Variants in ELAVL2 observed in about 807,000 individuals in gnomAD.
ELAVL2 encodes the protein ELAV like RNA binding protein 2.
ELAVL2 carries 4 observed loss-of-function variants against 34.6 expected under a neutral mutation model. The ratio of observed to expected loss-of-function variants is 0.12; its 90% confidence interval spans 0.06 to 0.26. ELAVL2 has a LOEUF of 0.26. Ranked by LOEUF, ELAVL2 falls within the 10% of genes least tolerant of loss-of-function variation. ELAVL2 has a pLI of 1.00. For synonymous variants in ELAVL2, 193 were observed against 154.8 expected (o/e 1.25, Z -1.83); for missense variants, 432 against 442.8 (o/e 0.98, Z 0.22).
intron 2 of ELAVL2, among the ~76,000 whole-genome samples, chr9:23,743,499 A>G (rs1201690839): frequency 2.0e-5 from 3 of 152,186 alleles, no homozygotes; most frequent in Admixed American, 6.6e-5. Flanking sequence ...ATGGTATAGT[A>G]AACGCATTAT....
the ELAVL2 span, among the ~76,000 whole-genome samples, chr9:23,840,106 G>A: frequency 1.3e-5 from 2 of 152,080 alleles, no homozygotes; most frequent in Non-Finnish European, 2.9e-5. Context: ...ATGACTTTGG[G>A]CAAGTTGCCC....
chr9:23,823,541 G>C (rs2065083844), intron 1 of ELAVL2, among the ~76,000 whole-genome samples: 1 of 152,198 alleles, frequency 6.6e-6, no homozygotes, highest in Admixed American at 6.5e-5. Flanking sequence ...AGTGCCTGCT[G>C]TAAGACACAT....
At chr9:23,693,331 C>T in intron 6 of ELAVL2, 117 bp downstream of exon 6, 1 of 1,274,126 alleles carries the variant, frequency 7.8e-7, no homozygotes, top group Non-Finnish European at 1.1e-6. Context: ...CATTAGGTTG[C>T]ACATGCAAAA....
chr9:23,813,600 G>T (rs1384961661), intron 1 of ELAVL2, among the ~76,000 whole-genome samples: 1 of 152,068 alleles, frequency 6.6e-6, no homozygotes, highest in Non-Finnish European at 1.5e-5. Flanking sequence ...CAGGCAACTG[G>T]CAGGGAGAAA....
At chr9:23,798,395 T>C (rs972489751) in intron 1 of ELAVL2, among the ~76,000 whole-genome samples, 1 of 152,120 alleles carries the variant, frequency 6.6e-6, no homozygotes, top group Non-Finnish European at 1.5e-5. Context: ...TTTGGGCCTG[T>C]AACTTAAATC....
chr9:23,753,067 T>A (rs1269321822), intron 2 of ELAVL2, among the ~76,000 whole-genome samples: 5 of 152,162 alleles, frequency 3.3e-5, no homozygotes, highest in Admixed American at 3.3e-4. Flanking sequence ...ATTGACAATC[T>A]AAAACTTTAA....
intron 1 of ELAVL2, among the ~76,000 whole-genome samples, chr9:23,818,054 A>G (rs2138403437): frequency 6.6e-6 from 1 of 152,326 alleles, no homozygotes. Flanking sequence ...CCAAATTAGA[A>G]CATACAAAAG....
the ELAVL2 span, among the ~76,000 whole-genome samples, chr9:23,840,275 G>C: frequency 6.6e-6 from 1 of 152,198 alleles, no homozygotes; most frequent in Middle Eastern, 3.2e-3. Context: ...GGAAAGCCCA[G>C]TGATTCTCAC....
intron 2 of ELAVL2, among the ~76,000 whole-genome samples, chr9:23,757,418 T>TG (rs1180033462): frequency 1.3e-5 from 2 of 152,076 alleles, no homozygotes; most frequent in African/African-American, 4.8e-5. Context: ...AATAGCTCTG[T>TG]GGCCTTGAAC....
At chr9:23,803,024 A>G (rs2061758278) in intron 1 of ELAVL2, among the ~76,000 whole-genome samples, 1 of 152,196 alleles carries the variant, frequency 6.6e-6, no homozygotes, top group Non-Finnish European at 1.5e-5. Flanking sequence ...CTGATCAAGA[A>G]CTTTGAGAAT....
At chr9:23,698,540 C>G (rs1215099891) in intron 5 of ELAVL2, among the ~76,000 whole-genome samples, 1 of 152,100 alleles carries the variant, frequency 6.6e-6, no homozygotes, top group Non-Finnish European at 1.5e-5. Flanking sequence ...TCTCAACTCC[C>G]AAGGTACTAT....
intron 2 of ELAVL2, among the ~76,000 whole-genome samples, chr9:23,759,032 G>C (rs1264323807): frequency 2.0e-5 from 3 of 151,870 alleles, no homozygotes; most frequent in Non-Finnish European, 2.9e-5. Flanking sequence ...ATTAAAAACA[G>C]AACTACCGTA....
In ELAVL2 at chr9:23,780,270, G is replaced by C. The variant is rs532297253; in HGVS notation, c.-15-18021C>G. ...TCTCATGCATGAGATTCAAAAATAA[G>C]AAAGCAGTCTAACAACAGAGAATTT... On this transcript the variant is annotated intron_variant, in intron 1 of 6. Transcript: ENST00000397312. 1.5e-4 allele frequency among the ~76,000 whole-genome samples: 23 copies of C among 152,072 alleles called. No individual in the cohort carries two copies. The South Asian group carries it at 3.3e-3, about 22-fold the overall frequency.
intron 1 of ELAVL2, among the ~76,000 whole-genome samples, chr9:23,799,546 C>G (rs2061347422): frequency 6.6e-6 from 1 of 152,228 alleles, no homozygotes; most frequent in South Asian, 2.1e-4. Context: ...CTGGGTCTCT[C>G]ACATCTAATT....
intron 1 of ELAVL2, among the ~76,000 whole-genome samples, chr9:23,810,073 C>G (rs2062775894): frequency 6.6e-6 from 1 of 152,034 alleles, no homozygotes. Context: ...ACAGCCCTTA[C>G]AGATTATCTA....
rs769022384 is a variant in ELAVL2 at position 23,692,567 on chromosome 9, T to G, written c.1070A>C (p.His357Pro). The G allele has an allele frequency of 3.1e-6, 5 of 1,612,366 alleles. No homozygotes were observed. The highest frequency in any genetic ancestry group is 2.2e-5 in the East Asian group (1 of 44,826). The change falls in exon 7 of 7, where the codon CAC (histidine) becomes CCC (proline). Residue 357 changes from histidine (H) to proline (P), a missense_variant. By Grantham distance (77) the His-to-Pro change is moderately conservative. Transcript: ENST00000397312. ...LQVSFKTNKT[H>P]KA ...GAGGACAAGAGCTCATTAGGCTTTG[T>G]GCGTTTTGTTTGTCTTAAAGGAGAC...
chr9:23,690,147 T>G lies in ELAVL2; in HGVS notation c.*2410A>C, dbSNP rs2032688732. ...TATTGATGTACTGAACATGAAAAAGTACAAAGAATCCAAACACAAAAGAAA... is the reference window on the plus strand; with the variant it reads ...TATTGATGTACTGAACATGAAAAAGGACAAAGAATCCAAACACAAAAGAAA... On this transcript the variant is annotated 3_prime_UTR_variant, in exon 7 of 7. Transcript: ENST00000397312. The G allele has an allele frequency of 6.6e-6, 1 of 152,564 alleles. No individual in the cohort carries two copies. Among genetic ancestry groups the G allele is most frequent in the Non-Finnish European group, 1.5e-5 (1 of 68,030 alleles). The allele number at this position is 152,564 out of a possible 1,614,324, so 9.5% of individuals were successfully genotyped here.
intron 2 of ELAVL2, among the ~76,000 whole-genome samples, chr9:23,755,188 C>T (rs573428785): frequency 6.6e-6 from 1 of 152,188 alleles, no homozygotes; most frequent in East Asian, 1.9e-4. Context: ...AATTAATTTC[C>T]AAGTCCCCAG....
In ELAVL2 at chr9:23,704,985, C is replaced by G. The variant is rs372183542; in HGVS notation, c.420G>C (p.Glu140Asp). The stretch of plus-strand genomic sequence containing the variant: ...CATATTGTGAAAAAAGCTGTTCCAA[C>G]TCCTTCTGGGTCATTGTTTTTGGAA... ...SGLPKTMTQK[E>D]LEQLFSQYGR... Residue 140 changes from glutamate (E) to aspartate (D), a missense_variant, in exon 4 of 7, where the codon GAG becomes GAC. Physicochemically the swap from Glu to Asp is conservative, Grantham distance 45. Transcript: ENST00000397312. 6.2e-7 allele frequency: 1 copy of G among 1,614,032 alleles called. No homozygotes were observed. The highest frequency in any genetic ancestry group is 1.3e-5 in the African/African-American group (1 of 74,914).
Sources: gnomAD v4.1 joint callset for allele counts (sites outside exome capture counted in the v4.1 genomes callset) on GRCh38, gnomAD v4.1.1 for gene constraint, MANE v1.5 for transcripts, NCBI Gene and HGNC (gene_info 2026-07-23, HGNC 2026-07-21) for gene names.